Variants in PHF13 observed in about 807,000 individuals in gnomAD.
The protein encoded by PHF13 is PHD finger protein 13.
Under a neutral mutation model 25.8 loss-of-function variants are expected in PHF13, and 1 was observed. The observed-to-expected ratio is 0.04, with a 90% CI of 0.01 to 0.18. The LOEUF is 0.18. Ranked by LOEUF, PHF13 falls within the 10% of genes least tolerant of loss-of-function variation. The probability of loss-of-function intolerance (pLI) is 1.00; values close to 1 mark genes in which losing one functional copy is unlikely to be tolerated. For synonymous variants in PHF13, 195 were observed against 162.4 expected (o/e 1.20, Z -1.53); for missense variants, 306 against 403.2 (o/e 0.76, Z 2.06).
rs368676807 is a variant in PHF13, at chr1:6,621,559, A to G, written c.825A>G (p.Gln275=). The part of the protein sequence containing the change: ...KSNVPEVFVC[Q]KCRDSKFDIR... ...ATGTTCCAGAAGTGTTTGTCTGCCAAAAGTGCCGGGACTCCAAGTTTGACA... is the reference window on the plus strand; with the variant it reads ...ATGTTCCAGAAGTGTTTGTCTGCCAGAAGTGCCGGGACTCCAAGTTTGACA... The change falls in exon 4 of 4, where the codon CAA becomes CAG. Residue 275 remains glutamine (Q), a synonymous_variant. Coordinates refer to ENST00000377648, the MANE Select transcript of PHF13 (RefSeq NM_153812.3). The surrounding 1 kb of genome is among the most constrained non-coding windows in gnomAD (Gnocchi z 4.8). 1.7e-5 allele frequency: 27 copies of G among 1,614,064 alleles called. No homozygotes were observed. The African/African-American group carries it at 3.3e-4, about 20-fold the overall frequency.
chr1:6,617,705 A>G (rs1468135075), intron 2 of PHF13, among the ~76,000 whole-genome samples: 2 of 152,058 alleles, frequency 1.3e-5, no homozygotes, highest in African/African-American at 4.8e-5. Context: ...TGGGATTACA[A>G]GCGTTGAGCC....
chr1:6,617,451 T>C (rs557344250), intron 2 of PHF13, among the ~76,000 whole-genome samples: 7 of 152,118 alleles, frequency 4.6e-5, no homozygotes, highest in Admixed American at 1.3e-4. Context: ...TTTGTTTGTT[T>C]GTTTGAAATG....
chr1:6,616,658 T>C, intron 1 of PHF13, 99 bp from the exon 2 acceptor site: 1 of 956,366 alleles, frequency 1.0e-6, no homozygotes, highest in South Asian at 1.3e-5. Flanking sequence ...ATTTTTTGAG[T>C]GATTGACTAC....
chr1:6,617,268 T>G (rs959542658), intron 2 of PHF13, among the ~76,000 whole-genome samples: 2 of 152,116 alleles, frequency 1.3e-5, no homozygotes, highest in Non-Finnish European at 2.9e-5. Context: ...GTATTTTTGG[T>G]AGAGACAGGG....
At chr1:6,614,140 C>CGCCCCCG in intron 1 of PHF13, 35 bp downstream of exon 1, 1 of 1,592,174 alleles carries the variant, frequency 6.3e-7, no homozygotes, top group South Asian at 1.1e-5. Context: ...CGCCCCCGAC[C>CGCCCCCG]ACCCCCTCCG....
chr1:6,613,978 C>T lies in PHF13; in HGVS notation c.-89C>T. 2.1e-6 allele frequency: 2 copies of T among 935,506 alleles called. No individual in the cohort carries two copies. Among genetic ancestry groups the T allele is most frequent in the Non-Finnish European group, 1.6e-6 (1 of 615,496 alleles). The allele number at this position is 935,506 out of a possible 1,614,324, so 58.0% of individuals were successfully genotyped here. ...CTCCCGGGTCCGCCCTCGCCCTGCGCAGCCGCCCGAGCCCCCAGCCCCGGG... is the reference window on the plus strand; with the variant it reads ...CTCCCGGGTCCGCCCTCGCCCTGCGTAGCCGCCCGAGCCCCCAGCCCCGGG... On this transcript the variant is annotated 5_prime_UTR_variant, in exon 1 of 4. Transcript: ENST00000377648.
intron 1 of PHF13, 124 bp downstream of exon 1, chr1:6,614,229 G>A (rs1570220576): frequency 2.9e-6 from 2 of 696,386 alleles, no homozygotes; most frequent in Non-Finnish European, 4.6e-6. Context: ...TCCCCTCGTC[G>A]GCCCCCCCGG....
intron 1 of PHF13, among the ~76,000 whole-genome samples, 187 bp downstream of exon 1, chr1:6,614,292 C>T (rs1285622068): frequency 2.0e-5 from 3 of 147,872 alleles, no homozygotes; most frequent in African/African-American, 5.0e-5. Flanking sequence ...CTCCGCCGGG[C>T]CTCGCCTCCG....
chr1:6,621,598 C>T lies in PHF13; in HGVS notation c.864C>T (p.Asn288=), dbSNP rs771716784. The change falls in exon 4 of 4, where the codon AAC becomes AAT. Residue 288 remains asparagine, a synonymous_variant. Coordinates refer to ENST00000377648, the MANE Select transcript of PHF13 (RefSeq NM_153812.3). The surrounding 1 kb of genome is among the most constrained non-coding windows in gnomAD (Gnocchi z 4.8). ...RDSKFDIRRS[N]RSRTGSRKLF... ...CCAAGTTTGACATCCGCCGTTCCAACCGCTCGCGGACGGGCTCCCGGAAGC... is the reference window on the plus strand; with the variant it reads ...CCAAGTTTGACATCCGCCGTTCCAATCGCTCGCGGACGGGCTCCCGGAAGC... 8.7e-6 allele frequency: 14 copies of T among 1,614,210 alleles called. No homozygotes were observed. Among genetic ancestry groups the T allele is most frequent in the Non-Finnish European group, 1.1e-5 (13 of 1,180,038 alleles).
At position 6,621,288 on chromosome 1, in the gene PHF13, C is replaced by T. The variant is rs1160290017; in HGVS notation, c.677-123C>T. The T allele has an allele frequency of 9.9e-7, 1 of 1,010,250 alleles. No homozygotes were observed. The highest frequency in any genetic ancestry group is 1.5e-6 in the Non-Finnish European group (1 of 670,370). The allele number at this position is 1,010,250 out of a possible 1,614,324, so 62.6% of individuals were successfully genotyped here. A position where few individuals can be genotyped will look rare whatever the true frequency, so the allele number is the denominator to read the frequency against. On this transcript the variant is annotated intron_variant, in intron 3 of 3. Transcript: ENST00000377648. This position sits in a 1 kb window ranked among gnomAD's most constrained non-coding sequence, Gnocchi z 4.8. ...CTCGTGCCTTTTCAGAGAGAAGTGT[C>T]AGCTTCGAGTGGCAGTTGGAAGTGT... is the stretch of plus-strand genomic sequence containing the variant.
rs987025399 is a variant in PHF13 at position 6,621,407 on chromosome 1, C to T, written c.677-4C>T. 3 of 1,613,802 alleles carry T rather than the reference C, an allele frequency of 1.9e-6. No homozygotes were observed. Among genetic ancestry groups the T allele is most frequent in the African/African-American group, 2.7e-5 (2 of 74,892 alleles). ...TCCCTCCTTGAGAGTATCTTTCCTT[C>T]CAGATGACGATTCCTGGGACCTCGT... On this transcript the variant is annotated splice_polypyrimidine_tract_variant and splice_region_variant and intron_variant, in intron 3 of 3. Coordinates refer to ENST00000377648, the MANE Select transcript of PHF13 (RefSeq NM_153812.3). The surrounding 1 kb of genome is among the most constrained non-coding windows in gnomAD (Gnocchi z 4.8).
At chr1:6,614,175 A>G (rs1570220396) in intron 1 of PHF13, 70 bp downstream of exon 1, 1 of 1,339,560 alleles carries the variant, frequency 7.5e-7, no homozygotes, top group Non-Finnish European at 9.9e-7. Flanking sequence ...TCAGGCAGCC[A>G]GACCCCCGGT....
In PHF13 at chr1:6,620,067, A is replaced by G; in HGVS notation, c.406A>G (p.Arg136Gly). ...DSDAPGKEGY[R>G]GGLLKLEAAD... Reference sequence around the variant, plus strand: ...TGATGCGCCTGGGAAAGAGGGGTACAGGGGGGGCTTGCTGAAGCTGGAAGC... The same window carrying G: ...TGATGCGCCTGGGAAAGAGGGGTACGGGGGGGGCTTGCTGAAGCTGGAAGC... Residue 136 changes from arginine to glycine, a missense_variant, in exon 3 of 4, where the codon AGG becomes GGG. Physicochemically the swap from Arg to Gly is moderately radical, Grantham distance 125 (BLOSUM62 -2). Transcript: ENST00000377648. 2 of 1,613,376 alleles carry G rather than the reference A, an allele frequency of 1.2e-6. No homozygotes were observed. Among genetic ancestry groups the G allele is most frequent in the Non-Finnish European group, 1.7e-6 (2 of 1,179,960 alleles).
chr1:6,619,399 G>A (rs1026753235), intron 2 of PHF13, among the ~76,000 whole-genome samples: 83 of 152,010 alleles, frequency 5.5e-4, no homozygotes, highest in African/African-American at 1.9e-3. Flanking sequence ...TACCAAGGCT[G>A]GAGTGCAGTG....
chr1:6,619,581 C>T (rs778446526), intron 2 of PHF13, among the ~76,000 whole-genome samples: 9 of 152,054 alleles, frequency 5.9e-5, no homozygotes, highest in Non-Finnish European at 1.0e-4. Flanking sequence ...TCAGGTGATC[C>T]GCCTGCCTTG....
intron 2 of PHF13, among the ~76,000 whole-genome samples, chr1:6,619,443 G>A (rs1051478550): frequency 1.3e-5 from 2 of 151,968 alleles, no homozygotes; most frequent in African/African-American, 4.8e-5. Context: ...GGGTTCAAGC[G>A]ATTCTCCTGC....
chr1:6,614,040 C>A lies in PHF13; in HGVS notation c.-27C>A, dbSNP rs745625300. 3 of 1,582,582 alleles carry A rather than the reference C, an allele frequency of 1.9e-6. No homozygotes were observed. The highest frequency in any genetic ancestry group is 2.6e-6 in the Non-Finnish European group (3 of 1,165,282). ...CAGCATCCCAGCTCCTGCACTCTCG[C>A]AGCCGCCGCCGCCCCCCGCCCGGAA... On this transcript the variant is annotated 5_prime_UTR_variant, in exon 1 of 4. Coordinates refer to ENST00000377648, the MANE Select transcript of PHF13 (RefSeq NM_153812.3).
At chr1:6,615,146 G>A (rs1411626138) in intron 1 of PHF13, among the ~76,000 whole-genome samples, 1 of 151,530 alleles carries the variant, frequency 6.6e-6, no homozygotes, top group East Asian at 1.9e-4. Flanking sequence ...GGCGGGCGGC[G>A]TGGGCCGTGT....
chr1:6,616,717 C>T (rs1570224748), intron 1 of PHF13, 40 bp from the exon 2 acceptor site: 2 of 1,544,708 alleles, frequency 1.3e-6, no homozygotes, highest in Non-Finnish European at 1.8e-6. Flanking sequence ...GCCTGGAAGC[C>T]TCTCCTTCAA....
Sources: allele counts gnomAD v4.1 joint callset (sites outside exome capture counted in the v4.1 genomes callset), GRCh38; gene constraint gnomAD v4.1.1; non-coding constraint Gnocchi (gnomAD v3.1); transcripts MANE v1.5; gene names NCBI Gene and HGNC (gene_info 2026-07-23, HGNC 2026-07-21).